The following CDH7 variants were observed in gnomAD, a reference collection of about 807,000 sequenced individuals.
CDH7 encodes cadherin 7.
Under a neutral mutation model 71.8 loss-of-function variants are expected in CDH7, and 25 were observed. The observed-to-expected ratio is 0.35, with a 90% CI of 0.25 to 0.49. The LOEUF (loss-of-function observed/expected upper bound fraction) is 0.49. Among genes scored for constraint, CDH7 ranks in the 20% least tolerant of loss-of-function variants. CDH7 has a pLI of 0.99. For missense variants in CDH7, 862 were observed against 974.6 expected (o/e 0.88, Z 1.54); for synonymous variants, 381 against 363.8 (o/e 1.05, Z -0.54).
rs1359162985 is a variant in CDH7 at position 65,884,036 on chromosome 18, A to T, written c.*3142A>T. The T allele has an allele frequency of 6.6e-6, 1 of 152,158 alleles. No homozygotes were observed. Among genetic ancestry groups the T allele is most frequent in the Non-Finnish European group, 1.5e-5 (1 of 68,000 alleles). 9.4% of individuals were successfully genotyped at this position (152,158 alleles called of 1,614,324 possible). On this transcript the variant is annotated 3_prime_UTR_variant, in exon 12 of 12. Transcript: ENST00000397968. Reference sequence around the variant, plus strand: ...ATAGAAACTCAGGGTTTGCCAAATTATGCCCATTTTGAACAGTTTAATTTA... The same window carrying T: ...ATAGAAACTCAGGGTTTGCCAAATTTTGCCCATTTTGAACAGTTTAATTTA...
chr18:65,822,316 A>G, intron 5 of CDH7, 68 bp downstream of exon 5: 1 of 1,286,110 alleles, frequency 7.8e-7, no homozygotes, highest in Non-Finnish European at 1.1e-6. Context: ...TACATCTTTA[A>G]AATGACTTTT....
rs567922255 is a variant in CDH7 at position 65,865,302 on chromosome 18, A to T, written c.1864+2385A>T. ...CTGTATATGAGTATACATATACAGTATGTGCATGTATGCTTGTGTGTGTGT... is the reference window on the plus strand; with the variant it reads ...CTGTATATGAGTATACATATACAGTTTGTGCATGTATGCTTGTGTGTGTGT... On this transcript the variant is annotated intron_variant, in intron 11 of 11. Transcript: ENST00000397968. 114 of 152,252 alleles carry T rather than the reference A, an allele frequency of 7.5e-4. 1 individual carries two copies. Among genetic ancestry groups the T allele is most frequent in the African/African-American group, 2.6e-3 (108 of 41,534 alleles). The allele number at this position is 152,252 out of a possible 1,614,324, so 9.4% of individuals were successfully genotyped here.
At chr18:65,814,849 T>C (rs1911669089) in intron 4 of CDH7, among the ~76,000 whole-genome samples, 1 of 152,174 alleles carries the variant, frequency 6.6e-6, no homozygotes. Flanking sequence ...TCAGCTTCTA[T>C]CTCCTGAATG....
intron 10 of CDH7, among the ~76,000 whole-genome samples, chr18:65,860,788 A>T (rs1371434117): frequency 6.6e-6 from 1 of 152,338 alleles, no homozygotes. Flanking sequence ...GCATGAAGCC[A>T]TCACCTTATT....
intron 9 of CDH7, 87 bp downstream of exon 9, chr18:65,859,133 T>A: frequency 1.6e-6 from 2 of 1,250,650 alleles, no homozygotes; most frequent in Non-Finnish European, 2.3e-6. Flanking sequence ...CTTCCAGCTT[T>A]AAGATAAAAT....
intron 6 of CDH7, among the ~76,000 whole-genome samples, chr18:65,836,330 G>A (rs939728389): frequency 9.9e-5 from 15 of 152,074 alleles, no homozygotes; most frequent in African/African-American, 2.7e-4. Flanking sequence ...GAAGACACTC[G>A]TTAACTAAGT....
At chr18:65,853,916 T>TATATATATATATATATAC (rs1913239453) in intron 7 of CDH7, among the ~76,000 whole-genome samples, 3 of 59,964 alleles carry the variant, frequency 5.0e-5, no homozygotes, top group African/African-American at 3.1e-4. Context: ...CATATATATA[T>TATATATATATATATATAC]ATATATATAT....
At chr18:65,827,635 G>C (rs1471056473) in intron 6 of CDH7, among the ~76,000 whole-genome samples, 1 of 151,924 alleles carries the variant, frequency 6.6e-6, no homozygotes, top group Admixed American at 6.6e-5. Context: ...AAAGGGGATT[G>C]CGCAAACTTG....
intron 6 of CDH7, among the ~76,000 whole-genome samples, chr18:65,836,859 A>G (rs890015640): frequency 3.1e-4 from 47 of 152,146 alleles, no homozygotes; most frequent in African/African-American, 1.1e-3. Flanking sequence ...TTATTCAAAA[A>G]TAATCATATC....
intron 6 of CDH7, among the ~76,000 whole-genome samples, chr18:65,843,417 T>C (rs959202714): frequency 1.3e-5 from 2 of 152,148 alleles, no homozygotes; most frequent in Admixed American, 6.6e-5. Context: ...AGAAATTCAA[T>C]AGAAAGTAAT....
At chr18:65,793,287 G>C (rs935683468) in intron 2 of CDH7, among the ~76,000 whole-genome samples, 11 of 151,816 alleles carry the variant, frequency 7.2e-5, no homozygotes, top group African/African-American at 2.4e-4. Flanking sequence ...ATAAAAATTG[G>C]CTGGTTGCGG....
intron 1 of CDH7, among the ~76,000 whole-genome samples, chr18:65,754,833 T>G (rs1338569034): frequency 6.6e-6 from 1 of 152,212 alleles, no homozygotes; most frequent in Non-Finnish European, 1.5e-5. Flanking sequence ...TCAGTGGAAA[T>G]AGTTAGCTAC....
chr18:65,776,397 C>CAGAGAG (rs1316837431), intron 2 of CDH7, among the ~76,000 whole-genome samples: 18 of 147,094 alleles, frequency 1.2e-4, no homozygotes, highest in Admixed American at 6.7e-4. Context: ...CACACACACA[C>CAGAGAG]ACACAGAGAG....
chr18:65,841,127 G>C (rs530146257), intron 6 of CDH7, among the ~76,000 whole-genome samples: 2 of 152,030 alleles, frequency 1.3e-5, no homozygotes, highest in African/African-American at 2.4e-5. Context: ...CTGTAATCTT[G>C]ATTCATAGAC....
At chr18:65,794,156 A>C (rs1382193128) in intron 2 of CDH7, among the ~76,000 whole-genome samples, 1 of 139,980 alleles carries the variant, frequency 7.1e-6, no homozygotes, top group Non-Finnish European at 1.5e-5. Flanking sequence ...TAACATGTTA[A>C]AGTGATAATA....
At chr18:65,776,004 A>C (rs1909927163) in intron 2 of CDH7, among the ~76,000 whole-genome samples, 4 of 152,130 alleles carry the variant, frequency 2.6e-5, no homozygotes, top group African/African-American at 7.2e-5. Context: ...GTTATTTCTG[A>C]TGGAAAGAGC....
intron 3 of CDH7, 30 bp downstream of exon 3, chr18:65,810,028 T>G: frequency 1.3e-6 from 2 of 1,568,396 alleles, no homozygotes; most frequent in Non-Finnish European, 1.7e-6. Flanking sequence ...CTTTTGTAGC[T>G]TGTGGCCGAT....
intron 2 of CDH7, among the ~76,000 whole-genome samples, chr18:65,806,766 C>A (rs999847663): frequency 6.6e-6 from 1 of 152,136 alleles, no homozygotes; most frequent in African/African-American, 2.4e-5. Flanking sequence ...CTCTTCTTTG[C>A]TGAGCACTCT....
chr18:65,861,480 A>G (rs1028346086), intron 10 of CDH7, among the ~76,000 whole-genome samples: 16 of 151,950 alleles, frequency 1.1e-4, no homozygotes, highest in African/African-American at 3.9e-4. Context: ...CCTGCGTGCT[A>G]TTGTGAAATG....
Sources: allele counts gnomAD v4.1 joint callset (sites outside exome capture counted in the v4.1 genomes callset), GRCh38; gene constraint gnomAD v4.1.1; transcripts MANE v1.5; gene names NCBI Gene and HGNC (gene_info 2026-07-23, HGNC 2026-07-21).